SLC15A5: variants seen among roughly 807,000 people sequenced by gnomAD.
SLC15A5 encodes the protein solute carrier family 15 member 5.
SLC15A5 carries 58 observed loss-of-function variants against 56.1 expected under a neutral mutation model. The ratio of observed to expected loss-of-function variants is 1.03; its 90% CI spans 0.84 to 1.29. The LOEUF is 1.29. Among genes scored for constraint, SLC15A5 ranks in the 50% most tolerant of loss-of-function variants. SLC15A5 has a pLI of 0.00. For missense variants in SLC15A5, 681 were observed against 672.1 expected, an observed-to-expected ratio of 1.01 and a Z score of -0.15; for synonymous variants, 264 against 250.5, an observed-to-expected ratio of 1.05 and a Z score of -0.51.
rs539184286 is a variant in SLC15A5 at position 16,189,163 on chromosome 12, A to G, written c.*505T>C. Reference sequence around the variant, plus strand: ...CTTAATGAAGTCATATTTTGATAGCATAATATTAACAGCAAATATAGAAAA... The same window carrying G: ...CTTAATGAAGTCATATTTTGATAGCGTAATATTAACAGCAAATATAGAAAA... On this transcript the variant is annotated 3_prime_UTR_variant, in exon 9 of 9. Transcript: ENST00000344941. 1 of 152,338 alleles carries G rather than the reference A, an allele frequency of 6.6e-6. No homozygotes were observed. The highest frequency in any genetic ancestry group is 2.1e-4 in the South Asian group (1 of 4,832). The allele number at this position is 152,338 out of a possible 1,614,324, so 9.4% of individuals were successfully genotyped here.
chr12:16,225,536 A>G (rs1267720085), intron 5 of SLC15A5, among the ~76,000 whole-genome samples: 2 of 152,218 alleles, frequency 1.3e-5, no homozygotes, highest in Non-Finnish European at 1.5e-5. Flanking sequence ...AATGGGAGAA[A>G]ATTTTTGCAA....
At chr12:16,258,003 T>C (rs1331625762) in intron 2 of SLC15A5, 133 bp from the exon 3 acceptor site, 2 of 703,880 alleles carry the variant, frequency 2.8e-6, no homozygotes, top group African/African-American at 3.7e-5. Flanking sequence ...TTTGCAAATG[T>C]TGTTTATCAG....
chr12:16,225,425 A>C (rs1302748453), intron 5 of SLC15A5, among the ~76,000 whole-genome samples: 1 of 152,206 alleles, frequency 6.6e-6, no homozygotes, highest in African/African-American at 2.4e-5. Context: ...CACCAAAAGC[A>C]ATGGCAACAA....
In SLC15A5 at chr12:16,243,233, G is replaced by C. The variant is rs1228719313; in HGVS notation, c.975+1347C>G. ...TTTCTCTTTTTTTTTTTTTTGAGAT[G>C]GAGTTTCATTCTTGTTTCCCAGGCT... is the stretch of plus-strand genomic sequence containing the variant. On this transcript the variant is annotated intron_variant, in intron 4 of 8. Coordinates refer to ENST00000344941, the MANE Select transcript of SLC15A5 (RefSeq NM_001170798.1). The surrounding 1 kb of genome is among the most constrained non-coding windows in gnomAD (Gnocchi z 4.4). Among the ~76,000 whole-genome samples the C allele has an allele frequency of 6.8e-6, 1 of 147,262 alleles. No individual in the cohort carries two copies. The highest frequency in any genetic ancestry group is 1.5e-5 in the Non-Finnish European group (1 of 66,938).
chr12:16,236,689 A>G (rs940374503), intron 5 of SLC15A5, among the ~76,000 whole-genome samples: 1 of 152,172 alleles, frequency 6.6e-6, no homozygotes, highest in African/African-American at 2.4e-5. Context: ...TGACTTTACC[A>G]TCTGCCTCCT....
At chr12:16,209,247 T>G (rs1864054690) in intron 7 of SLC15A5, among the ~76,000 whole-genome samples, 1 of 152,050 alleles carries the variant, frequency 6.6e-6, no homozygotes, top group Non-Finnish European at 1.5e-5. Flanking sequence ...TATACATATG[T>G]GCATATACAT....
At chr12:16,203,643 T>G (rs1397040303) in intron 7 of SLC15A5, among the ~76,000 whole-genome samples, 1 of 152,170 alleles carries the variant, frequency 6.6e-6, no homozygotes, top group Non-Finnish European at 1.5e-5. Flanking sequence ...AAATAAGATA[T>G]CCTCATTAAG....
intron 2 of SLC15A5, among the ~76,000 whole-genome samples, chr12:16,267,073 G>A (rs1484925359): frequency 6.6e-6 from 1 of 152,088 alleles, no homozygotes; most frequent in Non-Finnish European, 1.5e-5. Flanking sequence ...GTTTTGATGT[G>A]CTTCGTGTTT....
chr12:16,241,368 G>A (rs1268187509), intron 4 of SLC15A5, among the ~76,000 whole-genome samples: 1 of 152,178 alleles, frequency 6.6e-6, no homozygotes, highest in Non-Finnish European at 1.5e-5. Flanking sequence ...CAATTCAAGA[G>A]GGTATATATG....
At chr12:16,250,210 A>G (rs960802529) in intron 3 of SLC15A5, among the ~76,000 whole-genome samples, 15 of 152,044 alleles carry the variant, frequency 9.9e-5, no homozygotes, top group Non-Finnish European at 1.2e-4. Context: ...AATAACAAAC[A>G]CTGATTGAAC....
intron 6 of SLC15A5, 79 bp downstream of exon 6, chr12:16,224,335 T>G: frequency 7.4e-7 from 1 of 1,347,722 alleles, no homozygotes; most frequent in East Asian, 2.5e-5. Flanking sequence ...CATACCACTT[T>G]AATTGTTCTG....
chr12:16,199,226 T>C (rs1249665540), intron 7 of SLC15A5, among the ~76,000 whole-genome samples: 2 of 148,116 alleles, frequency 1.4e-5, no homozygotes, highest in Non-Finnish European at 3.0e-5. Flanking sequence ...ACCCTGCACA[T>C]ATCAGGGTAT....
chr12:16,244,867 C>CA, intron 3 of SLC15A5, 67 bp from the exon 4 acceptor site: 1 of 1,453,570 alleles, frequency 6.9e-7, no homozygotes. Context: ...AGATGCTGAT[C>CA]AGAAAGATAA....
rs1032556330 is a variant in SLC15A5 at position 16,224,441 on chromosome 12, C to T, written c.1324G>A (p.Val442Met). The change falls in exon 6 of 9, where the codon GTG becomes ATG. Residue 442 changes from valine to methionine, a missense_variant. Transcript: ENST00000344941. ...GCTGGGTTTACCAGTGTTTCCGCCA[C>T]TCCAAGTAAAACATACTGAAGAATC... ...YLILQYVLLG[V>M]AETLVNPALS... The T allele has an allele frequency of 1.3e-6, 2 of 1,537,132 alleles. No homozygotes were observed. Among genetic ancestry groups the T allele is most frequent in the Non-Finnish European group, 1.7e-6 (2 of 1,146,876 alleles).
At chr12:16,197,034 A>T (rs755748678) in intron 7 of SLC15A5, among the ~76,000 whole-genome samples, 5 of 151,966 alleles carry the variant, frequency 3.3e-5, no homozygotes, top group Non-Finnish European at 4.4e-5. Context: ...TTAGAGAAAG[A>T]TAGTATAAAT....
intron 6 of SLC15A5, among the ~76,000 whole-genome samples, chr12:16,220,989 A>G (rs1433172961): frequency 1.3e-5 from 2 of 151,554 alleles, no homozygotes; most frequent in Non-Finnish European, 2.9e-5. Context: ...TTTTTTTTCT[A>G]GCTCATCTCC....
intron 2 of SLC15A5, among the ~76,000 whole-genome samples, chr12:16,270,700 C>G (rs1864744160): frequency 6.6e-6 from 1 of 152,148 alleles, no homozygotes; most frequent in African/African-American, 2.4e-5. Flanking sequence ...TGCCAAAGAC[C>G]ATAAAACTCC....
At chr12:16,198,213 C>G (rs575129601) in intron 7 of SLC15A5, among the ~76,000 whole-genome samples, 14 of 152,228 alleles carry the variant, frequency 9.2e-5, no homozygotes, top group Admixed American at 2.6e-4. Context: ...TCTTGCTTAG[C>G]TAGATGTATT....
At chr12:16,213,176 A>G (rs1864099395) in intron 7 of SLC15A5, among the ~76,000 whole-genome samples, 1 of 152,186 alleles carries the variant, frequency 6.6e-6, no homozygotes, top group Non-Finnish European at 1.5e-5. Context: ...GCGCTTTGAT[A>G]GAGAAAAATC....
Sources: gnomAD v4.1 joint callset for allele counts (sites outside exome capture counted in the v4.1 genomes callset) on GRCh38, gnomAD v4.1.1 for gene constraint, Gnocchi (gnomAD v3.1) non-coding constraint, MANE v1.5 for transcripts, NCBI Gene and HGNC (gene_info 2026-07-23, HGNC 2026-07-21) for gene names.